HSDL2: variants seen among roughly 807,000 people sequenced by gnomAD.
The protein encoded by HSDL2 is hydroxysteroid dehydrogenase-like protein 2.
Under a neutral mutation model 46.3 loss-of-function variants are expected in HSDL2, and 27 were observed. That is an observed-to-expected ratio of 0.58 (90% CI 0.43 to 0.80). The LOEUF (loss-of-function observed/expected upper bound fraction) is 0.80. HSDL2 is among the 30% of genes least tolerant of loss of function. The pLI is 0.00. For missense variants in HSDL2, 451 were observed against 502.7 expected, an observed-to-expected ratio of 0.90 and a Z score of 0.98; for synonymous variants, 153 against 163.6, an observed-to-expected ratio of 0.94 and a Z score of 0.50.
At chr9:112,400,383 C>T (rs1321972997) in intron 1 of HSDL2, among the ~76,000 whole-genome samples, 1 of 152,096 alleles carries the variant, frequency 6.6e-6, no homozygotes, top group Non-Finnish European at 1.5e-5. Flanking sequence ...CCGAGGTGGG[C>T]AGATCATGAG....
chr9:112,444,218 T>G (rs1032654436), intron 8 of HSDL2, among the ~76,000 whole-genome samples: 8 of 152,248 alleles, frequency 5.3e-5, no homozygotes, highest in African/African-American at 1.9e-4. Flanking sequence ...AGTTTATTTC[T>G]TATGTCCTCT....
chr9:112,457,018 C>T (rs535042196), intron 9 of HSDL2, among the ~76,000 whole-genome samples: 5 of 152,170 alleles, frequency 3.3e-5, no homozygotes, highest in South Asian at 2.1e-4. Flanking sequence ...CTTGGTGGCG[C>T]GTGCCTGTAG....
chr9:112,431,136 T>C (rs1434492025), intron 6 of HSDL2, among the ~76,000 whole-genome samples: 1 of 150,860 alleles, frequency 6.6e-6, no homozygotes, highest in Non-Finnish European at 1.5e-5. Flanking sequence ...GGAACTGAGA[T>C]GGAGAAAGCT....
intron 3 of HSDL2, 116 bp downstream of exon 3, chr9:112,405,838 G>C: frequency 1.5e-6 from 1 of 661,036 alleles, no homozygotes; most frequent in Non-Finnish European, 2.6e-6. Flanking sequence ...GGAGAAATAC[G>C]TATTTGCTCA....
intron 9 of HSDL2, among the ~76,000 whole-genome samples, chr9:112,454,390 T>C (rs1452816661): frequency 1.3e-5 from 2 of 152,034 alleles, no homozygotes; most frequent in Non-Finnish European, 2.9e-5. Flanking sequence ...AGCAATGGCA[T>C]GATCATGGCT....
At chr9:112,385,318 TTAA>T (rs1264386280) in intron 1 of HSDL2, among the ~76,000 whole-genome samples, 1 of 152,124 alleles carries the variant, frequency 6.6e-6, no homozygotes, top group Non-Finnish European at 1.5e-5. Context: ...TTAAAAGTTT[TTAA>T]GTTTTATTTA....
intron 1 of HSDL2, among the ~76,000 whole-genome samples, chr9:112,398,234 G>A (rs564186624): frequency 2.6e-4 from 40 of 152,192 alleles, no homozygotes; most frequent in Non-Finnish European, 4.6e-4. Flanking sequence ...CAGGTTGAAT[G>A]GATGGCAAAG....
intron 6 of HSDL2, among the ~76,000 whole-genome samples, chr9:112,431,637 C>A (rs1832405433): frequency 6.6e-6 from 1 of 152,092 alleles, no homozygotes. Context: ...GTACTGCCCT[C>A]ACCATAGTGA....
chr9:112,389,222 A>G (rs1436784118), intron 1 of HSDL2, among the ~76,000 whole-genome samples: 1 of 152,048 alleles, frequency 6.6e-6, no homozygotes, highest in African/African-American at 2.4e-5. Context: ...ACAGGGTCTC[A>G]CTATGTTGCC....
chr9:112,410,500 C>T (rs139157830), intron 4 of HSDL2, among the ~76,000 whole-genome samples: 82 of 152,242 alleles, frequency 5.4e-4, no homozygotes, highest in African/African-American at 1.6e-3. Flanking sequence ...GGGTTGGTCA[C>T]GAGGGTTAAA....
chr9:112,385,483 C>CA lies in HSDL2; in HGVS notation c.17+5304dup, dbSNP rs1162140880. On this transcript the variant is annotated intron_variant, in intron 1 of 10. Coordinates refer to ENST00000398805, the MANE Select transcript of HSDL2 (RefSeq NM_032303.5). ...AGCTGGAATTACAGGCATGCACCACCACACCTGGCTAATTTTTTTTTTTTT... is the reference window on the plus strand; with the variant it reads ...AGCTGGAATTACAGGCATGCACCACCAACACCTGGCTAATTTTTTTTTTTTT... 3.2e-5 allele frequency among the ~76,000 whole-genome samples: 4 copies of CA among 125,712 alleles called. No homozygotes were observed. The East Asian group carries it at 9.1e-4, about 29-fold the overall frequency. The allele number at this position is 125,712 out of a possible 152,430, so 82.5% of individuals were successfully genotyped here.
chr9:112,417,155 C>T (rs1326798755), intron 5 of HSDL2, among the ~76,000 whole-genome samples: 1 of 152,096 alleles, frequency 6.6e-6, no homozygotes, highest in Non-Finnish European at 1.5e-5. Flanking sequence ...ATAAAATGCA[C>T]AGCTCTTAAT....
intron 6 of HSDL2, among the ~76,000 whole-genome samples, chr9:112,431,008 C>T (rs577157062): frequency 1.8e-4 from 26 of 146,040 alleles, no homozygotes; most frequent in African/African-American, 6.5e-4. Flanking sequence ...GCCGAGATCA[C>T]GCCAGTGCAC....
intron 1 of HSDL2, among the ~76,000 whole-genome samples, chr9:112,384,247 T>TGTAAGTTAAAA (rs1429087045): frequency 0.019 from 2,835 of 152,288 alleles, 96 homozygotes; most frequent in African/African-American, 0.064. Context: ...GTAAGTTAGC[T>TGTAAGTTAAAA]CTTCATCAGC....
chr9:112,444,462 G>T (rs537200111), intron 8 of HSDL2, among the ~76,000 whole-genome samples: 3 of 152,184 alleles, frequency 2.0e-5, no homozygotes, highest in African/African-American at 4.8e-5. Flanking sequence ...TATCAACCAG[G>T]CATAGTGGCT....
chr9:112,409,069 A>G, intron 4 of HSDL2, 48 bp downstream of exon 4: 1 of 1,055,758 alleles, frequency 9.5e-7, no homozygotes, highest in Non-Finnish European at 1.5e-6. Flanking sequence ...GGTGTTTCTC[A>G]GGGAACTTAC....
At chr9:112,461,792 C>T (rs1833217338) in intron 10 of HSDL2, among the ~76,000 whole-genome samples, 1 of 152,212 alleles carries the variant, frequency 6.6e-6, no homozygotes, top group East Asian at 1.9e-4. Context: ...CATTATTATG[C>T]TAGTCTGCCC....
chr9:112,460,278 C>G (rs1047866781), intron 10 of HSDL2, among the ~76,000 whole-genome samples: 1 of 152,152 alleles, frequency 6.6e-6, no homozygotes, highest in African/African-American at 2.4e-5. Flanking sequence ...CTGTTTTAAT[C>G]TTTTCTAAGC....
At chr9:112,422,242 G>C (rs1475222085) in intron 6 of HSDL2, among the ~76,000 whole-genome samples, 1 of 152,128 alleles carries the variant, frequency 6.6e-6, no homozygotes, top group Non-Finnish European at 1.5e-5. Context: ...ATATAAGGGT[G>C]AACAGTGCTA....
Sources: gnomAD v4.1 joint callset for allele counts (sites outside exome capture counted in the v4.1 genomes callset) on GRCh38, gnomAD v4.1.1 for gene constraint, MANE v1.5 for transcripts, NCBI Gene and HGNC (gene_info 2026-07-23, HGNC 2026-07-21) for gene names.